Variants in ITPR2 observed in about 807,000 individuals in gnomAD.
ITPR2 encodes the protein inositol 1,4,5-trisphosphate receptor type 2, also known as inositol 1,4,5-trisphosphate-gated calcium channel ITPR2.
A neutral mutation model predicts 317.1 loss-of-function variants in ITPR2; 207 were observed. The observed-to-expected ratio is 0.65, with a 90% CI of 0.58 to 0.73. The LOEUF is 0.73. Ranked by LOEUF, ITPR2 falls within the 30% of genes least tolerant of loss-of-function variation. The pLI, the probability that ITPR2 is intolerant of heterozygous loss-of-function variation, is 0.00. For synonymous variants in ITPR2, 1,156 were observed against 1,149.1 expected, an observed-to-expected ratio of 1.01 and a Z score of -0.12; for missense variants, 2,613 against 3,284.0, an observed-to-expected ratio of 0.80 and a Z score of 4.99.
chr12:26,691,380 C>T (rs1318832217), intron 10 of ITPR2, among the ~76,000 whole-genome samples: 1 of 152,116 alleles, frequency 6.6e-6, no homozygotes, highest in Non-Finnish European at 1.5e-5. Flanking sequence ...GCGCAACGCC[C>T]TCTCTCTTCA....
At chr12:26,768,404 T>C (rs1374916752) in intron 2 of ITPR2, among the ~76,000 whole-genome samples, 1 of 88,922 alleles carries the variant, frequency 1.1e-5, no homozygotes, top group Non-Finnish European at 2.2e-5. Flanking sequence ...CCCTAAAACT[T>C]AAAGTATAAT....
chr12:26,532,867 G>T (rs1456902308), intron 37 of ITPR2, among the ~76,000 whole-genome samples: 1 of 151,852 alleles, frequency 6.6e-6, no homozygotes, highest in Non-Finnish European at 1.5e-5. Context: ...TGTATTTTTA[G>T]TAGAGACAGG....
chr12:26,689,944 G>A (rs1592041164), intron 10 of ITPR2, among the ~76,000 whole-genome samples: 1 of 152,282 alleles, frequency 6.6e-6, no homozygotes. Context: ...AATAGACCAG[G>A]AGAATTATAG....
chr12:26,568,014 A>AT (rs1555157817), intron 34 of ITPR2, among the ~76,000 whole-genome samples: 1 of 68,216 alleles, frequency 1.5e-5, no homozygotes, highest in African/African-American at 7.7e-5. Flanking sequence ...TATTATATAT[A>AT]TATATATATA....
At chr12:26,460,312 G>A (rs890901246) in intron 45 of ITPR2, among the ~76,000 whole-genome samples, 1 of 152,210 alleles carries the variant, frequency 6.6e-6, no homozygotes, top group Non-Finnish European at 1.5e-5. Flanking sequence ...TTCTCACATG[G>A]CCTTACGGGG....
chr12:26,562,014 C>A, intron 34 of ITPR2, 62 bp from the exon 35 acceptor site: 1 of 1,152,408 alleles, frequency 8.7e-7, no homozygotes, highest in Non-Finnish European at 1.2e-6. Flanking sequence ...TACATATTAT[C>A]CATACAATCT....
intron 2 of ITPR2, among the ~76,000 whole-genome samples, chr12:26,753,320 A>C (rs1191398802): frequency 2.0e-5 from 3 of 152,168 alleles, no homozygotes; most frequent in Admixed American, 6.5e-5. Flanking sequence ...GTTAACTGCT[A>C]TTCTGTTTGG....
intron 10 of ITPR2, among the ~76,000 whole-genome samples, chr12:26,694,364 T>C (rs1948296412): frequency 6.6e-6 from 1 of 152,210 alleles, no homozygotes; most frequent in African/African-American, 2.4e-5. Context: ...AGGTAAAATT[T>C]ATTAAGATAC....
At chr12:26,661,625 C>T (rs1442121704) in intron 15 of ITPR2, among the ~76,000 whole-genome samples, 1 of 152,166 alleles carries the variant, frequency 6.6e-6, no homozygotes, top group African/African-American at 2.4e-5. Context: ...TGGGTAGCCT[C>T]TATAGACCTG....
intron 23 of ITPR2, among the ~76,000 whole-genome samples, chr12:26,625,352 A>G (rs1946598192): frequency 6.6e-6 from 1 of 152,176 alleles, no homozygotes; most frequent in Non-Finnish European, 1.5e-5. Flanking sequence ...TTGTAACACA[A>G]AAGATAAATG....
rs755838267 is a variant in ITPR2 at position 26,654,110 on chromosome 12, C to A, written c.2606G>T (p.Arg869Leu). Residue 869 changes from arginine (R) to leucine (L), a missense_variant, in exon 21 of 57, where the codon CGG becomes CTG. By Grantham distance (102) the Arg-to-Leu change is moderately radical. Transcript: ENST00000381340. ...KLTFEVVHLA[R>L]NLIYFGFYSF... ...ATAAAATCCAAAGTATATAAGATTCCGAGCCAAGTGGACCACCTTAATAAA... is the reference window on the plus strand; with the variant it reads ...ATAAAATCCAAAGTATATAAGATTCAGAGCCAAGTGGACCACCTTAATAAA... 2 of 1,470,630 alleles carry A rather than the reference C, an allele frequency of 1.4e-6. No homozygotes were observed. Among genetic ancestry groups the A allele is most frequent in the Admixed American group, 2.4e-5 (1 of 41,306 alleles). 91.1% of individuals were successfully genotyped at this position (1,470,630 alleles called of 1,614,324 possible). A position where few individuals can be genotyped will look rare whatever the true frequency, so the allele number is the denominator to read the frequency against.
intron 45 of ITPR2, among the ~76,000 whole-genome samples, chr12:26,453,203 C>A (rs545604362): frequency 6.6e-6 from 1 of 152,144 alleles, no homozygotes; most frequent in Admixed American, 6.5e-5. Flanking sequence ...AAAATGCTTG[C>A]TATTTTGTAT....
At chr12:26,788,125 T>C (rs979190202) in intron 2 of ITPR2, among the ~76,000 whole-genome samples, 2 of 151,634 alleles carry the variant, frequency 1.3e-5, no homozygotes, top group Non-Finnish European at 2.9e-5. Context: ...TTTCTCCATG[T>C]TGGTCAGACT....
At chr12:26,439,673 G>C (rs1193756583) in intron 46 of ITPR2, among the ~76,000 whole-genome samples, 1 of 152,134 alleles carries the variant, frequency 6.6e-6, no homozygotes, top group African/African-American at 2.4e-5. Context: ...TGGCTGGGTA[G>C]CCTTAAACAT....
chr12:26,612,202 A>G, intron 26 of ITPR2, among the ~76,000 whole-genome samples: 1 of 152,044 alleles, frequency 6.6e-6, no homozygotes, highest in Admixed American at 6.6e-5. Context: ...CACTGAGGGA[A>G]AAAACTTTTT....
At chr12:26,576,881 T>C (rs1340953283) in intron 34 of ITPR2, among the ~76,000 whole-genome samples, 1 of 152,222 alleles carries the variant, frequency 6.6e-6, no homozygotes, top group African/African-American at 2.4e-5. Flanking sequence ...GTGGGACTTT[T>C]AGGAGGACAG....
Position 26,658,126 on chromosome 12 carries a change from AAAACCTGGC to A in ITPR2, c.1887-5_1890del. On this transcript the variant is annotated splice_acceptor_variant and splice_polypyrimidine_tract_variant and coding_sequence_variant and intron_variant, in exon 17 of 57. Transcript: ENST00000381340. LOFTEE classifies it high-confidence loss of function. The stretch of plus-strand genomic sequence containing the variant: ...ACACACAGATCTGACAAATAATCCA[AAAACCTGGC>A]AAAAGAAAAAAATTAAATGGAATAT... 1 of 1,552,600 alleles carries A rather than the reference AAAACCTGGC, an allele frequency of 6.4e-7. No homozygotes were observed. The highest frequency in any genetic ancestry group is 8.7e-7 in the Non-Finnish European group (1 of 1,151,796).
At chr12:26,651,125 T>A (rs2136889310) in intron 21 of ITPR2, among the ~76,000 whole-genome samples, 1 of 152,294 alleles carries the variant, frequency 6.6e-6, no homozygotes, top group African/African-American at 2.4e-5. Flanking sequence ...TAGATTCAGG[T>A]TGTCTTTTAT....
intron 55 of ITPR2, among the ~76,000 whole-genome samples, chr12:26,347,793 G>A (rs1043081170): frequency 6.6e-6 from 1 of 152,196 alleles, no homozygotes; most frequent in Non-Finnish European, 1.5e-5. Context: ...AACCCTCTAG[G>A]TATGGTATCA....
Sources: allele counts gnomAD v4.1 joint callset (sites outside exome capture counted in the v4.1 genomes callset), GRCh38; gene constraint gnomAD v4.1.1; transcripts MANE v1.5; gene names NCBI Gene and HGNC (gene_info 2026-07-23, HGNC 2026-07-21).